Variants in HERC1 observed in about 807,000 individuals in gnomAD.
The protein encoded by HERC1 is probable E3 ubiquitin-protein ligase HERC1.
A neutral mutation model predicts 554.3 loss-of-function variants in HERC1; 160 were observed. That is an observed-to-expected ratio of 0.29 (90% confidence interval 0.25 to 0.33). The LOEUF (loss-of-function observed/expected upper bound fraction) is 0.33. Among genes scored for constraint, HERC1 ranks in the 10% least tolerant of loss-of-function variants. The pLI, the probability that HERC1 is intolerant of heterozygous loss-of-function variation, is 1.00. For synonymous variants in HERC1, 2,175 were observed against 2,131.7 expected, an observed-to-expected ratio of 1.02 and a Z score of -0.56; for missense variants, 4,919 against 5,918.5, an observed-to-expected ratio of 0.83 and a Z score of 5.54.
intron 74 of HERC1, among the ~76,000 whole-genome samples, chr15:63,618,611 G>T (rs951486062): frequency 7.2e-5 from 11 of 152,090 alleles, no homozygotes; most frequent in Middle Eastern, 3.4e-3. Flanking sequence ...CCATTTTCAC[G>T]ATATTGATTC....
At chr15:63,735,325 G>T (rs1236995787) in intron 12 of HERC1, among the ~76,000 whole-genome samples, 1 of 144,912 alleles carries the variant, frequency 6.9e-6, no homozygotes, top group East Asian at 2.1e-4. Context: ...TGAGGATCAG[G>T]CATTTAAGAA....
intron 1 of HERC1, among the ~76,000 whole-genome samples, chr15:63,818,339 C>T (rs1461298419): frequency 6.6e-6 from 1 of 152,092 alleles, no homozygotes; most frequent in Admixed American, 6.6e-5. Flanking sequence ...CCAAACAGCA[C>T]TAGTTTTATC....
At chr15:63,660,333 CAATA>C (rs377685698) in intron 46 of HERC1, among the ~76,000 whole-genome samples, 2 of 151,530 alleles carry the variant, frequency 1.3e-5, no homozygotes, top group African/African-American at 2.4e-5. Context: ...GAAATAAAAA[CAATA>C]AATAAATAAA....
intron 1 of HERC1, among the ~76,000 whole-genome samples, chr15:63,808,419 C>G (rs537701332): frequency 6.6e-6 from 1 of 152,184 alleles, no homozygotes; most frequent in African/African-American, 2.4e-5. Flanking sequence ...TCCTGAGTAG[C>G]TAGGACTACA....
At chr15:63,807,174 T>C (rs1393918655) in intron 1 of HERC1, among the ~76,000 whole-genome samples, 3 of 152,136 alleles carry the variant, frequency 2.0e-5, no homozygotes, top group Non-Finnish European at 4.4e-5. Context: ...GCATTCTCTA[T>C]TTGCCCCCAA....
intron 39 of HERC1, among the ~76,000 whole-genome samples, chr15:63,670,367 T>C (rs1027389939): frequency 1.3e-5 from 2 of 151,214 alleles, no homozygotes; most frequent in Admixed American, 6.6e-5. Flanking sequence ...ATAAAGTCCA[T>C]AAAGATCCAC....
chr15:63,626,049 A>G lies in HERC1; in HGVS notation c.13211T>C (p.Leu4404Pro), dbSNP rs760851641. The stretch of plus-strand genomic sequence containing the variant: ...GTACATGAGGTCAGAGAAGTGGTAG[A>G]GCAGCCGGAGCCTGGCCCGCACCGT... Reference protein sequence around the residue: ...IHTVRARLRLLYHFSDLMYSS... With the variant: ...IHTVRARLRLPYHFSDLMYSS... Residue 4404 changes from leucine to proline, a missense_variant, in exon 71 of 78, where the codon CTC (leucine) becomes CCC (proline). Physicochemically the swap from Leu to Pro is moderately conservative, Grantham distance 98 (BLOSUM62 -3). Coordinates refer to ENST00000443617, the MANE Select transcript of HERC1 (RefSeq NM_003922.4). The G allele has an allele frequency of 6.2e-7, 1 of 1,612,880 alleles. No homozygotes were observed.
chr15:63,640,475 C>G, intron 60 of HERC1, 30 bp from the exon 61 acceptor site: 1 of 1,564,598 alleles, frequency 6.4e-7, no homozygotes, highest in Non-Finnish European at 8.8e-7. Flanking sequence ...TATAATATGT[C>G]AAAGAGTTTG....
At chr15:63,638,277 A>G (rs2068875129) in intron 63 of HERC1, 134 bp downstream of exon 63, 1 of 911,996 alleles carries the variant, frequency 1.1e-6, no homozygotes, top group Non-Finnish European at 1.7e-6. Flanking sequence ...TGAAAGCTAT[A>G]TATCATGACT....
rs748596648 is a variant in HERC1, at chr15:63,733,022, G to A, written c.2770C>T (p.Leu924=). ...TGAGTGCCGTAAGGTTGATCTGACA[G>A]ATTTCCGTAGCCAGTACACACAGAA... The part of the protein sequence containing the change: ...LSSVCTGYGN[L]SDQPYGTQSC... The change falls in exon 14 of 78, where the codon CTG becomes TTG. Residue 924 remains leucine, a synonymous_variant. Transcript: ENST00000443617. The A allele has an allele frequency of 1.2e-6, 2 of 1,613,966 alleles. No individual in the cohort carries two copies. The highest frequency in any genetic ancestry group is 1.3e-5 in the African/African-American group (1 of 75,048).
rs762822835 is a variant in HERC1 at position 63,645,011 on chromosome 15, T to A, written c.11165A>T (p.Glu3722Val). The A allele has an allele frequency of 6.2e-7, 1 of 1,612,754 alleles. No individual in the cohort carries two copies. The highest frequency in any genetic ancestry group is 8.5e-7 in the Non-Finnish European group (1 of 1,178,826). Residue 3722 changes from glutamate to valine, a missense_variant, in exon 57 of 78, where the codon GAG becomes GTG. Glu to Val is a moderately radical substitution (Grantham distance 121). Around this residue, in one of 11 missense-constraint regions of HERC1, gnomAD observed 1,963 missense variants for 2,228.6 expected, o/e 0.88. Coordinates refer to ENST00000443617, the MANE Select transcript of HERC1 (RefSeq NM_003922.4). ...TNVTSAEGWWEQESNCQDGYR... is the reference protein window; with the variant it reads ...TNVTSAEGWWVQESNCQDGYR... ...TGTTACCTGGCAATTTGATTCCTGCTCCCACCATCCTTCTGCACTAGTCAC... is the reference window on the plus strand; with the variant it reads ...TGTTACCTGGCAATTTGATTCCTGCACCCACCATCCTTCTGCACTAGTCAC...
intron 1 of HERC1, among the ~76,000 whole-genome samples, chr15:63,813,826 G>C (rs2077406777): frequency 6.6e-6 from 1 of 152,186 alleles, no homozygotes; most frequent in Non-Finnish European, 1.5e-5. Flanking sequence ...CCAGCACTTT[G>C]GGAGGCCGAG....
chr15:63,747,879 A>G, intron 10 of HERC1, 21 bp from the exon 11 acceptor site: 1 of 1,521,796 alleles, frequency 6.6e-7, no homozygotes, highest in African/African-American at 1.4e-5. Flanking sequence ...ACATAAGAAA[A>G]TAATAAAACA....
intron 19 of HERC1, among the ~76,000 whole-genome samples, chr15:63,721,717 G>C (rs2073830311): frequency 6.6e-6 from 1 of 152,060 alleles, no homozygotes; most frequent in South Asian, 2.1e-4. Context: ...CAAAACTAAT[G>C]ACAGGATAAG....
chr15:63,620,453 A>G (rs1287169053), intron 74 of HERC1, among the ~76,000 whole-genome samples: 1 of 152,196 alleles, frequency 6.6e-6, no homozygotes, highest in Non-Finnish European at 1.5e-5. Context: ...TGTGGTGCTG[A>G]AAAGAATGTA....
chr15:63,617,203 T>C (rs1485822309), intron 74 of HERC1, among the ~76,000 whole-genome samples: 1 of 152,158 alleles, frequency 6.6e-6, no homozygotes, highest in East Asian at 1.9e-4. Flanking sequence ...ATGTTCCCCT[T>C]CCTGTGTCCA....
chr15:63,700,393 AG>A (rs2072651192), intron 25 of HERC1, among the ~76,000 whole-genome samples: 1 of 152,152 alleles, frequency 6.6e-6, no homozygotes, highest in South Asian at 2.1e-4. Flanking sequence ...TAGATAGAAA[AG>A]TTTGGGAAGA....
At chr15:63,816,429 T>C (rs904862335) in intron 1 of HERC1, among the ~76,000 whole-genome samples, 5 of 152,170 alleles carry the variant, frequency 3.3e-5, no homozygotes, top group African/African-American at 1.2e-4. Flanking sequence ...ACACAAAAGG[T>C]CTGTTCTCAA....
chr15:63,745,340 C>A (rs1487063685), intron 12 of HERC1, among the ~76,000 whole-genome samples: 1 of 152,206 alleles, frequency 6.6e-6, no homozygotes, highest in East Asian at 1.9e-4. Context: ...CTAAGAGTTG[C>A]AGTCCTTTTG....
Sources: gnomAD v4.1 joint callset for allele counts (sites outside exome capture counted in the v4.1 genomes callset) on GRCh38, gnomAD v4.1.1 for gene constraint, gnomAD v4.1.1 regional missense constraint, MANE v1.5 for transcripts, NCBI Gene and HGNC (gene_info 2026-07-23, HGNC 2026-07-21) for gene names.